NKAIN3: variants seen among roughly 807,000 people sequenced by gnomAD.
NKAIN3 encodes the protein sodium/potassium-transporting ATPase subunit beta-1-interacting protein 3.
A neutral mutation model predicts 30.2 loss-of-function variants in NKAIN3; 25 were observed. That is an observed-to-expected ratio of 0.83 (90% CI 0.60 to 1.16). The LOEUF is 1.16. NKAIN3 is among the 50% of genes most tolerant of loss of function. The pLI is 0.00. For missense variants in NKAIN3, 225 were observed against 254.1 expected (o/e 0.89, Z 0.78); for synonymous variants, 91 against 89.6 (o/e 1.02, Z -0.09).
intron 3 of NKAIN3, among the ~76,000 whole-genome samples, chr8:62,660,923 G>A (rs1292985845): frequency 1.3e-5 from 2 of 152,178 alleles, no homozygotes; most frequent in Non-Finnish European, 2.9e-5. Flanking sequence ...TCAGGCATCA[G>A]GAGACTTCTC....
intron 1 of NKAIN3, among the ~76,000 whole-genome samples, chr8:62,476,812 T>A (rs1806534774): frequency 6.6e-6 from 1 of 152,102 alleles, no homozygotes; most frequent in Non-Finnish European, 1.5e-5. Context: ...TTTGAGTAAC[T>A]TACTATTATT....
At chr8:62,404,884 C>T (rs1459143696) in intron 1 of NKAIN3, among the ~76,000 whole-genome samples, 1 of 152,134 alleles carries the variant, frequency 6.6e-6, no homozygotes, top group Non-Finnish European at 1.5e-5. Flanking sequence ...GCAAGCACAT[C>T]TCTGGGTCTC....
At position 62,478,945 on chromosome 8, in the gene NKAIN3, A is replaced by G. The variant is rs147243324; in HGVS notation, c.55-100594A>G. On this transcript the variant is annotated intron_variant, in intron 1 of 6. Coordinates refer to ENST00000623646, the MANE Select transcript of NKAIN3 (RefSeq NM_001304533.3). The stretch of plus-strand genomic sequence containing the variant: ...TCGCAAGGAGGTTCTTGTAAGACAC[A>G]GCACCCTGCCCTGTAGAGCTCTCAG... 2.6e-4 allele frequency among the ~76,000 whole-genome samples: 40 copies of G among 152,294 alleles called. No homozygotes were observed. In the East Asian group the frequency reaches 7.4e-3, roughly 28 times the overall value.
At chr8:62,276,008 G>A (rs1812942605) in intron 1 of NKAIN3, among the ~76,000 whole-genome samples, 1 of 152,060 alleles carries the variant, frequency 6.6e-6, no homozygotes, top group South Asian at 2.1e-4. Context: ...TTAAATCTGA[G>A]AGCATGGTAA....
At position 62,366,783 on chromosome 8, in the gene NKAIN3, G is replaced by C. The variant is rs373315136; in HGVS notation, c.54+117656G>C. Among the ~76,000 whole-genome samples, 35 of 151,980 alleles carry C rather than the reference G, an allele frequency of 2.3e-4. No homozygotes were observed. The East Asian group carries it at 4.1e-3, about 18-fold the overall frequency. On this transcript the variant is annotated intron_variant, in intron 1 of 6. Transcript: ENST00000623646. The stretch of plus-strand genomic sequence containing the variant: ...TCTTGTTCCTTGAGGTATAACACTT[G>C]GTTGTTTATTTGAGATTTTTCTTCT...
chr8:62,564,269 T>G (rs930220081), intron 1 of NKAIN3, among the ~76,000 whole-genome samples: 2 of 152,132 alleles, frequency 1.3e-5, no homozygotes, highest in African/African-American at 4.8e-5. Flanking sequence ...GGCCACAGTT[T>G]GAGTTCACAT....
At chr8:62,295,291 A>G (rs747664954) in intron 1 of NKAIN3, among the ~76,000 whole-genome samples, 1 of 152,140 alleles carries the variant, frequency 6.6e-6, no homozygotes, top group African/African-American at 2.4e-5. Flanking sequence ...TATAAGTGTT[A>G]GATTAGTTTC....
At chr8:62,723,272 A>G (rs1015937094) in intron 3 of NKAIN3, among the ~76,000 whole-genome samples, 1 of 152,146 alleles carries the variant, frequency 6.6e-6, no homozygotes, top group African/African-American at 2.4e-5. Context: ...AAAAATAAGC[A>G]TATATTCTTC....
At chr8:62,674,892 A>G (rs1389600071) in intron 3 of NKAIN3, among the ~76,000 whole-genome samples, 2 of 152,192 alleles carry the variant, frequency 1.3e-5, no homozygotes, top group African/African-American at 4.8e-5. Flanking sequence ...ACGTAAGGAT[A>G]ATTAAAGTGG....
chr8:62,787,376 A>T (rs1344313039), intron 4 of NKAIN3, among the ~76,000 whole-genome samples: 1 of 152,192 alleles, frequency 6.6e-6, no homozygotes, highest in Admixed American at 6.6e-5. Context: ...AAACAAAGAA[A>T]ATAGTCAAAA....
At chr8:62,774,034 AT>A (rs1403364084) in intron 4 of NKAIN3, among the ~76,000 whole-genome samples, 1 of 152,186 alleles carries the variant, frequency 6.6e-6, no homozygotes, top group East Asian at 1.9e-4. Context: ...TTCTTCCAGC[AT>A]ATGAACATAA....
chr8:62,324,382 T>C (rs908119757), intron 1 of NKAIN3, among the ~76,000 whole-genome samples: 3 of 152,092 alleles, frequency 2.0e-5, no homozygotes, highest in African/African-American at 4.8e-5. Flanking sequence ...AAAAATATGT[T>C]TATAAGTAAT....
intron 4 of NKAIN3, among the ~76,000 whole-genome samples, chr8:62,865,557 G>A (rs528012680): frequency 5.3e-5 from 8 of 152,248 alleles, no homozygotes; most frequent in African/African-American, 1.7e-4. Flanking sequence ...GTGTCTCTAA[G>A]CATTGTTTCT....
intron 1 of NKAIN3, among the ~76,000 whole-genome samples, chr8:62,507,242 G>A (rs1000608789): frequency 4.6e-5 from 7 of 152,154 alleles, no homozygotes; most frequent in South Asian, 2.1e-4. Flanking sequence ...GAAGATTTCC[G>A]ATTCCAGTCT....
At chr8:62,304,802 TTGGTGTGTGGACATTC>T (rs141246460) in intron 1 of NKAIN3, among the ~76,000 whole-genome samples, 90,553 of 149,904 alleles carry the variant, frequency 0.6, 28,475 homozygotes, top group East Asian at 0.68. Context: ...GGTTGTGTCC[TTGGTGTGTGGACATTC>T]GGCATGACGT....
At chr8:62,258,907 G>A (rs926054201) in intron 1 of NKAIN3, among the ~76,000 whole-genome samples, 2 of 152,112 alleles carry the variant, frequency 1.3e-5, no homozygotes, top group African/African-American at 2.4e-5. Context: ...CAACAATGAA[G>A]AATCCAGGAG....
intron 1 of NKAIN3, among the ~76,000 whole-genome samples, chr8:62,370,834 G>A (rs950259916): frequency 1.4e-4 from 21 of 151,950 alleles, no homozygotes; most frequent in African/African-American, 4.8e-4. Context: ...AAGAAATGCA[G>A]CAGGAATTCT....
intron 3 of NKAIN3, among the ~76,000 whole-genome samples, chr8:62,642,898 T>C (rs1360477212): frequency 6.6e-6 from 1 of 152,082 alleles, no homozygotes; most frequent in Non-Finnish European, 1.5e-5. Flanking sequence ...GCATGCATTT[T>C]CTATAATAAG....
In NKAIN3 at chr8:62,953,528, A is replaced by G. The variant is rs1016426407; in HGVS notation, c.533-374A>G. ...TCTAATGATGCAATACATATTCTTA[A>G]GGAAAAAAAAGGATTCTAGCAGCAA... On this transcript the variant is annotated intron_variant, in intron 5 of 6. Coordinates refer to ENST00000623646, the MANE Select transcript of NKAIN3 (RefSeq NM_001304533.3). Among the ~76,000 whole-genome samples the G allele has an allele frequency of 1.3e-4, 20 of 152,094 alleles. 1 individual carries two copies. Among genetic ancestry groups the G allele is most frequent in the Non-Finnish European group, 2.8e-4 (19 of 68,002 alleles).
Sources: gnomAD v4.1 joint callset for allele counts (sites outside exome capture counted in the v4.1 genomes callset) on GRCh38, gnomAD v4.1.1 for gene constraint, MANE v1.5 for transcripts, NCBI Gene and HGNC (gene_info 2026-07-23, HGNC 2026-07-21) for gene names.